Variants in PRP4K observed in about 807,000 individuals in gnomAD.
The protein encoded by PRP4K is pre-mRNA processing factor kinase PRP4K, also known as serine/threonine-protein kinase PRP4 homolog.
At chr6:4,062,991 G>A in the PRP4K span, 1 of 152,504 alleles carries the variant, frequency 6.6e-6, no homozygotes, top group Non-Finnish European at 1.5e-5. This position sits in a 1 kb window ranked among gnomAD's most constrained non-coding sequence, Gnocchi z 4.2. Context: ...AGTTCCACTA[G>A]AAACAGTTCA....
At chr6:4,064,050 T>C in the PRP4K span, 2 of 152,178 alleles carry the variant, frequency 1.3e-5, no homozygotes, top group East Asian at 3.8e-4. Flanking sequence ...TTCTTGAAGA[T>C]CATCAGAAAT....
At chr6:4,037,360 T>C in the PRP4K span, 6,021 of 1,498,604 alleles carry the variant, frequency 4.0e-3, 220 homozygotes, top group African/African-American at 0.075. Flanking sequence ...TTTACTTTGA[T>C]TTATATTTCT....
chr6:4,030,024 C>T, the PRP4K span, among the ~76,000 whole-genome samples: 1 of 151,758 alleles, frequency 6.6e-6, no homozygotes. Flanking sequence ...CTCACTGCAG[C>T]CTCCGCCTCC....
At chr6:4,042,907 G>A in the PRP4K span, among the ~76,000 whole-genome samples, 2 of 152,190 alleles carry the variant, frequency 1.3e-5, no homozygotes, top group African/African-American at 4.8e-5. Context: ...AAAAAATTAT[G>A]CATGTTACTG....
chr6:4,022,032 C>T, the PRP4K span, among the ~76,000 whole-genome samples: 1 of 152,086 alleles, frequency 6.6e-6, no homozygotes, highest in Non-Finnish European at 1.5e-5. Context: ...TCACCTTGTA[C>T]TCTTTAGTCC....
chr6:4,040,646 G>C, the PRP4K span: 9 of 1,063,240 alleles, frequency 8.5e-6, no homozygotes, highest in Non-Finnish European at 1.2e-5. Context: ...TTTTAGAAGA[G>C]TTTTAGGTTT....
At chr6:4,047,241 A>C in the PRP4K span, 1 of 1,610,302 alleles carries the variant, frequency 6.2e-7, no homozygotes, top group Non-Finnish European at 8.5e-7. Context: ...TTTGCTGCGT[A>C]TTTTGATGTA....
At chr6:4,041,281 G>C in the PRP4K span, among the ~76,000 whole-genome samples, 1 of 152,158 alleles carries the variant, frequency 6.6e-6, no homozygotes, top group Admixed American at 6.5e-5. Context: ...GTTTGTGTTA[G>C]ATGATACATA....
chr6:4,036,317 G>A, the PRP4K span, among the ~76,000 whole-genome samples: 3 of 152,070 alleles, frequency 2.0e-5, no homozygotes, highest in African/African-American at 7.2e-5. Context: ...TGCCTCCCAG[G>A]CTTACACAAT....
At chr6:4,039,984 A>C in the PRP4K span, among the ~76,000 whole-genome samples, 1 of 151,266 alleles carries the variant, frequency 6.6e-6, no homozygotes, top group Non-Finnish European at 1.5e-5. Context: ...TGCAGCCTCA[A>C]CCTCCTGGGC....
At chr6:4,047,124 G>A in the PRP4K span, 1 of 1,497,126 alleles carries the variant, frequency 6.7e-7, no homozygotes, top group Non-Finnish European at 9.3e-7. Context: ...CTTATTTTGT[G>A]TTTTAAATCA....
chr6:4,025,267 C>T, the PRP4K span, among the ~76,000 whole-genome samples: 3 of 152,094 alleles, frequency 2.0e-5, no homozygotes, highest in Non-Finnish European at 2.9e-5. Context: ...CCAAGAGGGC[C>T]GTTAGGTTTC....
At chr6:4,022,304 GAAA>G in the PRP4K span, among the ~76,000 whole-genome samples, 3 of 137,378 alleles carry the variant, frequency 2.2e-5, no homozygotes, top group Non-Finnish European at 4.8e-5. Flanking sequence ...AATGAAAAAT[GAAA>G]AAAAAAAAAA....
At chr6:4,048,597 CCTAGA>C in the PRP4K span, among the ~76,000 whole-genome samples, 2 of 151,904 alleles carry the variant, frequency 1.3e-5, no homozygotes, top group African/African-American at 4.8e-5. Flanking sequence ...CTCCCTCTGT[CCTAGA>C]CTAAAGTGCA....
the PRP4K span, among the ~76,000 whole-genome samples, chr6:4,029,714 C>T: frequency 1.3e-5 from 2 of 152,066 alleles, no homozygotes; most frequent in Non-Finnish European, 1.5e-5. Flanking sequence ...CTCCTAACAT[C>T]CCTGCTTAAC....
the PRP4K span, among the ~76,000 whole-genome samples, chr6:4,025,504 A>G: frequency 2.0e-5 from 3 of 152,224 alleles, no homozygotes; most frequent in Non-Finnish European, 4.4e-5. Context: ...CCTGTATAAG[A>G]AAATGCTATA....
At chr6:4,035,916 G>C in the PRP4K span, among the ~76,000 whole-genome samples, 1 of 151,884 alleles carries the variant, frequency 6.6e-6, no homozygotes, top group South Asian at 2.1e-4. Flanking sequence ...AGTGAGCCGA[G>C]GTCACACCAT....
chr6:4,037,381 A>AT, the PRP4K span: 1 of 1,543,580 alleles, frequency 6.5e-7, no homozygotes, highest in Non-Finnish European at 8.7e-7. Flanking sequence ...TTTAACTTGC[A>AT]TTTGATCCCC....
chr6:4,063,320 A>G, the PRP4K span: 2 of 152,118 alleles, frequency 1.3e-5, no homozygotes, highest in Non-Finnish European at 1.5e-5. Context: ...CCCTAAAATA[A>G]AAATAGTGGT....
Sources: gnomAD v4.1 joint callset for allele counts (sites outside exome capture counted in the v4.1 genomes callset) on GRCh38, gnomAD v4.1.1 for gene constraint, Gnocchi (gnomAD v3.1) non-coding constraint, MANE v1.5 for transcripts, NCBI Gene and HGNC (gene_info 2026-07-23, HGNC 2026-07-21) for gene names.